The following TIAM1 variants were observed in gnomAD, a reference collection of about 807,000 sequenced individuals.
The protein encoded by TIAM1 is rho guanine nucleotide exchange factor TIAM1.
In TIAM1, 65 loss-of-function variants were observed where a neutral mutation model predicts 163.5. The ratio of observed to expected loss-of-function variants is 0.40; its 90% CI spans 0.33 to 0.49. The LOEUF (loss-of-function observed/expected upper bound fraction) is 0.49. Ranked by LOEUF, TIAM1 falls within the 20% of genes least tolerant of loss-of-function variation. The pLI, the probability that TIAM1 is intolerant of heterozygous loss-of-function variation, is 0.77. For synonymous variants in TIAM1, 833 were observed against 810.1 expected, an observed-to-expected ratio of 1.03 and a Z score of -0.48; for missense variants, 1,789 against 2,044.7, an observed-to-expected ratio of 0.87 and a Z score of 2.41.
intron 3 of TIAM1, among the ~76,000 whole-genome samples, chr21:31,273,088 A>C (rs924020164): frequency 2.0e-5 from 3 of 152,262 alleles, no homozygotes; most frequent in Non-Finnish European, 4.4e-5. Flanking sequence ...AAATAAAAAA[A>C]TAAAATAAAA....
chr21:31,228,259 A>AAAAAAAAAAAAAAAAAAG (rs1601627154), intron 6 of TIAM1, among the ~76,000 whole-genome samples: 1 of 82,794 alleles, frequency 1.2e-5, no homozygotes, highest in African/African-American at 5.0e-5. Flanking sequence ...AAAAAAAAAA[A>AAAAAAAAAAAAAAAAAAG]GGAAGGAAAA....
intron 2 of TIAM1, among the ~76,000 whole-genome samples, chr21:31,410,755 G>A (rs1263825444): frequency 1.3e-5 from 2 of 151,884 alleles, no homozygotes; most frequent in Admixed American, 1.3e-4. Flanking sequence ...GGCAGAGGGA[G>A]GGGAGAGAAA....
chr21:31,528,948 CAG>C (rs2047878501), intron 1 of TIAM1, among the ~76,000 whole-genome samples: 2 of 70,498 alleles, frequency 2.8e-5, no homozygotes, highest in African/African-American at 1.1e-4. Flanking sequence ...TTTTTTGAGA[CAG>C]AGTCTCAGTC....
rs1429853001 is a variant in TIAM1 at position 31,395,701 on chromosome 21, G to A, written c.-368-56279C>T. ...TGACTAAAACATCTATCTTGGGGAGGGGGCGCATGCGTTCCCCTGGCTGTC... is the reference window on the plus strand; with the variant it reads ...TGACTAAAACATCTATCTTGGGGAGAGGGCGCATGCGTTCCCCTGGCTGTC... On this transcript the variant is annotated intron_variant, in intron 2 of 28. Transcript: ENST00000286827. This position sits in a 1 kb window ranked among gnomAD's most constrained non-coding sequence, Gnocchi z 7.5. Among the ~76,000 whole-genome samples, 4 of 152,172 alleles carry A rather than the reference G, an allele frequency of 2.6e-5. No homozygotes were observed. Among genetic ancestry groups the A allele is most frequent in the South Asian group, 4.2e-4 (2 of 4,812 alleles).
At chr21:31,193,793 G>C (rs1326639815) in intron 13 of TIAM1, among the ~76,000 whole-genome samples, 1 of 152,168 alleles carries the variant, frequency 6.6e-6, no homozygotes, top group African/African-American at 2.4e-5. Context: ...GGTGAGTGCC[G>C]GCAGTGTGAA....
intron 13 of TIAM1, among the ~76,000 whole-genome samples, chr21:31,192,435 C>T (rs769964958): frequency 6.6e-6 from 1 of 151,980 alleles, no homozygotes; most frequent in Non-Finnish European, 1.5e-5. Context: ...CTGGCCAACA[C>T]GGTGAAACCC....
At chr21:31,462,943 A>G (rs2045389472) in intron 2 of TIAM1, among the ~76,000 whole-genome samples, 2 of 152,030 alleles carry the variant, frequency 1.3e-5, no homozygotes, top group East Asian at 3.9e-4. Flanking sequence ...GGGTTTCACC[A>G]TGTTGGCCAG....
chr21:31,467,688 G>A (rs2045581968), intron 1 of TIAM1, among the ~76,000 whole-genome samples: 1 of 151,886 alleles, frequency 6.6e-6, no homozygotes, highest in African/African-American at 2.4e-5. Flanking sequence ...AGCCAGGCAT[G>A]GTGGCATGCC....
chr21:31,473,429 CAAAAAAAAAAAAAAAAAAAAAAA>C (rs56691495), intron 1 of TIAM1, among the ~76,000 whole-genome samples: 33,002 of 76,336 alleles, frequency 0.43, 4,367 homozygotes, highest in Middle Eastern at 0.51. Context: ...GACTCCATCT[CAAAAAAAAAAAAAAAAAAAAAAA>C]AAAAAAAAAA....
At chr21:31,223,925 A>G (rs1601610959) in intron 7 of TIAM1, among the ~76,000 whole-genome samples, 1 of 152,324 alleles carries the variant, frequency 6.6e-6, no homozygotes, top group South Asian at 2.1e-4. Flanking sequence ...CCAAAGAACT[A>G]TATGACTTAA....
At chr21:31,378,978 G>GT (rs1323144125) in intron 2 of TIAM1, among the ~76,000 whole-genome samples, 71 of 152,098 alleles carry the variant, frequency 4.7e-4, no homozygotes, top group African/African-American at 1.4e-3. Flanking sequence ...GTTTTATTTT[G>GT]TTTTTTCAAT....
At chr21:31,348,844 A>C (rs1382943604), upstream of TIAM1, among the ~76,000 whole-genome samples, 1 of 152,248 alleles carries the variant, frequency 6.6e-6, no homozygotes, top group Non-Finnish European at 1.5e-5. Context: ...TGATACAAGA[A>C]TGTTTTACAA....
At chr21:31,545,143 A>G (rs1366502761) in intron 1 of TIAM1, among the ~76,000 whole-genome samples, 11 of 152,262 alleles carry the variant, frequency 7.2e-5, no homozygotes, top group Admixed American at 6.5e-4. Flanking sequence ...CCTACAGCCA[A>G]TAGCTGATAA....
At chr21:31,221,050 GA>G (rs1056928372) in intron 8 of TIAM1, among the ~76,000 whole-genome samples, 1 of 151,410 alleles carries the variant, frequency 6.6e-6, no homozygotes, top group African/African-American at 2.4e-5. Flanking sequence ...CTAAAAAGAA[GA>G]AAAAAAATTT....
At chr21:31,345,275 G>A (rs930347693), upstream of TIAM1, among the ~76,000 whole-genome samples, 4 of 152,066 alleles carry the variant, frequency 2.6e-5, no homozygotes, top group Admixed American at 6.6e-5. Flanking sequence ...CATCCATACT[G>A]CAAGGGACTT....
chr21:31,236,883 AC>A (rs1275196307), intron 6 of TIAM1, among the ~76,000 whole-genome samples: 3 of 152,184 alleles, frequency 2.0e-5, no homozygotes, highest in African/African-American at 7.2e-5. Context: ...TGGCTTGGGA[AC>A]CTTAGGCAGG....
chr21:31,242,214 T>C (rs1356588847), intron 6 of TIAM1, among the ~76,000 whole-genome samples: 2 of 152,010 alleles, frequency 1.3e-5, no homozygotes, highest in Admixed American at 6.5e-5. Flanking sequence ...AATAAGGAAA[T>C]ATAACTTTTG....
intron 2 of TIAM1, among the ~76,000 whole-genome samples, chr21:31,300,006 T>C (rs969250280): frequency 6.6e-6 from 1 of 152,176 alleles, no homozygotes; most frequent in Non-Finnish European, 1.5e-5. Context: ...TGCCCAAATC[T>C]CATATTGAAA....
chr21:31,176,884 A>AGGT (rs537925378), intron 15 of TIAM1, among the ~76,000 whole-genome samples: 7 of 152,136 alleles, frequency 4.6e-5, no homozygotes, highest in Non-Finnish European at 8.8e-5. Context: ...ATCCCACACT[A>AGGT]GGTGACTCAT....
Sources: allele counts gnomAD v4.1 joint callset (sites outside exome capture counted in the v4.1 genomes callset), GRCh38; gene constraint gnomAD v4.1.1; non-coding constraint Gnocchi (gnomAD v3.1); transcripts MANE v1.5; gene names NCBI Gene and HGNC (gene_info 2026-07-23, HGNC 2026-07-21).